TBCK: variants seen among roughly 807,000 people sequenced by gnomAD.
TBCK encodes TBC domain-containing protein kinase-like protein.
In TBCK, 99 loss-of-function variants were observed where a neutral mutation model predicts 113.4. That is an observed-to-expected ratio of 0.87 (90% confidence interval 0.74 to 1.03). TBCK has a LOEUF of 1.03. Ranked by LOEUF, TBCK falls within the 50% of genes least tolerant of loss-of-function variation. The pLI is 0.00. For missense variants in TBCK, 1,045 were observed against 1,061.3 expected (o/e 0.98, Z 0.21); for synonymous variants, 369 against 370.8 (o/e 1.00, Z 0.05).
rs1216598503 is a variant in TBCK at position 106,122,546 on chromosome 4, A to C, written c.2236-6168T>G. ...TTTATGAGGCCAGCATCATCCTGAT[A>C]CCAAAGCCTGGCAGAGACACAGCAA... On this transcript the variant is annotated intron_variant, in intron 23 of 25. Coordinates refer to ENST00000394708, the MANE Select transcript of TBCK (RefSeq NM_001163435.3). Among the ~76,000 whole-genome samples the C allele has an allele frequency of 7.9e-5, 12 of 152,344 alleles. 1 individual carries two copies. The East Asian group carries it at 2.1e-3, about 27-fold the overall frequency.
intron 2 of TBCK, among the ~76,000 whole-genome samples, chr4:106,304,383 C>T (rs986807119): frequency 6.6e-6 from 1 of 152,126 alleles, no homozygotes; most frequent in African/African-American, 2.4e-5. Flanking sequence ...CTCAGATCCT[C>T]ATACCAAATA....
At chr4:106,272,110 A>C (rs1440471408) in intron 3 of TBCK, among the ~76,000 whole-genome samples, 1 of 151,782 alleles carries the variant, frequency 6.6e-6, no homozygotes, top group African/African-American at 2.4e-5. Flanking sequence ...TATAGTATAG[A>C]ACAAAGATAA....
intron 24 of TBCK, among the ~76,000 whole-genome samples, chr4:106,111,989 T>C (rs999827415): frequency 1.3e-5 from 2 of 152,168 alleles, no homozygotes; most frequent in Non-Finnish European, 2.9e-5. Context: ...ATTGAAGAGA[T>C]AGAGCAAGCT....
chr4:106,099,185 G>A (rs997239600), intron 24 of TBCK, among the ~76,000 whole-genome samples: 3 of 152,080 alleles, frequency 2.0e-5, no homozygotes, highest in African/African-American at 7.2e-5. Context: ...AGTTAACCAA[G>A]TATGTTCAGA....
intron 20 of TBCK, among the ~76,000 whole-genome samples, chr4:106,195,983 GAATT>G (rs141955203): frequency 0.13 from 19,597 of 151,818 alleles, 1,576 homozygotes; most frequent in South Asian, 0.24. Flanking sequence ...GTATTTTTAA[GAATT>G]AATTAGATAC....
At chr4:106,243,482 G>A (rs188009212) in intron 11 of TBCK, among the ~76,000 whole-genome samples, 45 of 152,062 alleles carry the variant, frequency 3.0e-4, no homozygotes, top group Admixed American at 2.7e-3. Flanking sequence ...TGGAATTTCC[G>A]TAATCTTACC....
At chr4:106,200,751 ATGTC>A (rs1247491937) in intron 20 of TBCK, among the ~76,000 whole-genome samples, 1 of 152,134 alleles carries the variant, frequency 6.6e-6, no homozygotes, top group Non-Finnish European at 1.5e-5. Context: ...GCATAGAAAA[ATGTC>A]TGGCACATAA....
chr4:106,226,138 TG>T (rs1412338924), intron 19 of TBCK, among the ~76,000 whole-genome samples: 1 of 152,118 alleles, frequency 6.6e-6, no homozygotes, highest in African/African-American at 2.4e-5. Flanking sequence ...CACTCTAACC[TG>T]GGTGAAAGAG....
chr4:106,115,071 G>A (rs1469183068), intron 24 of TBCK, among the ~76,000 whole-genome samples: 1 of 152,172 alleles, frequency 6.6e-6, no homozygotes, highest in African/African-American at 2.4e-5. Flanking sequence ...TGTACTGTCA[G>A]AAACCTAAGA....
intron 25 of TBCK, among the ~76,000 whole-genome samples, chr4:106,058,300 G>A (rs768060330): frequency 1.1e-4 from 17 of 151,738 alleles, no homozygotes; most frequent in Admixed American, 2.0e-4. Context: ...GGAGTAAGTG[G>A]AGCATGAAAA....
chr4:106,248,926 T>C lies in TBCK; in HGVS notation c.715A>G (p.Ile239Val), dbSNP rs765809259. The change falls in exon 8 of 26, where the codon ATA becomes GTA. Residue 239 changes from isoleucine (I) to valine (V), a missense_variant. Ile to Val is a conservative substitution (Grantham distance 29). Transcript: ENST00000394708. Reference sequence around the variant, plus strand: ...GACCCAGATTAATGACAAACCTTTATAATGTCCAAACAACCATGCTCTTCA... The same window carrying C: ...GACCCAGATTAATGACAAACCTTTACAATGTCCAAACAACCATGCTCTTCA... ...LAEEHGCLDI[I>V]KELPETVIDL... is the part of the protein sequence containing the mutation. 2.2e-5 allele frequency: 36 copies of C among 1,606,304 alleles called. No individual in the cohort carries two copies. The highest frequency in any genetic ancestry group is 2.8e-5 in the Non-Finnish European group (33 of 1,177,528).
intron 10 of TBCK, among the ~76,000 whole-genome samples, chr4:106,245,410 G>A (rs948742436): frequency 6.6e-6 from 1 of 152,120 alleles, no homozygotes; most frequent in Non-Finnish European, 1.5e-5. Flanking sequence ...ACCTGGAGAG[G>A]GGAAATACCA....
intron 15 of TBCK, 72 bp downstream of exon 15, chr4:106,235,197 T>C: frequency 1.1e-6 from 1 of 930,458 alleles, no homozygotes; most frequent in Non-Finnish European, 1.5e-6. Context: ...AATATATATT[T>C]GGAAAGCACT....
Position 106,250,474 on chromosome 4 carries a change from C to A in TBCK, c.602G>T (p.Arg201Ile), listed in dbSNP as rs763510090. Residue 201 changes from arginine (R) to isoleucine (I), a missense_variant, in exon 7 of 26, where the codon AGA becomes ATA. Coordinates refer to ENST00000394708, the MANE Select transcript of TBCK (RefSeq NM_001163435.3). ...GIILFELCVG[R>I]KLFQSLDISE... ...AATATCCAAGCTCTGAAATAATTTT[C>A]TTCCCTAAATAAAATGAGAAAAGAA... The A allele has an allele frequency of 6.5e-7, 1 of 1,533,228 alleles. No homozygotes were observed. Among genetic ancestry groups the A allele is most frequent in the Non-Finnish European group, 8.9e-7 (1 of 1,122,922 alleles). 95.0% of individuals were successfully genotyped at this position (1,533,228 alleles called of 1,614,324 possible).
At chr4:106,314,865 T>C (rs1260708486) in intron 1 of TBCK, among the ~76,000 whole-genome samples, 2 of 151,864 alleles carry the variant, frequency 1.3e-5, no homozygotes, top group African/African-American at 2.4e-5. Context: ...CCTCAGGTGA[T>C]CCACCCGCCT....
At chr4:106,290,671 C>T (rs1765614161) in intron 3 of TBCK, among the ~76,000 whole-genome samples, 1 of 152,128 alleles carries the variant, frequency 6.6e-6, no homozygotes, top group Non-Finnish European at 1.5e-5. Flanking sequence ...TCCCAACCCC[C>T]CCACCATGGA....
Position 106,127,671 on chromosome 4 carries a change from T to TTGTG in TBCK, c.2236-11297_2236-11294dup, listed in dbSNP as rs750755969. Among the ~76,000 whole-genome samples, 4 of 151,328 alleles carry TTGTG rather than the reference T, an allele frequency of 2.6e-5. No individual in the cohort carries two copies. In the East Asian group the frequency reaches 7.8e-4, roughly 29 times the overall value. On this transcript the variant is annotated intron_variant, in intron 23 of 25. Transcript: ENST00000394708. The stretch of plus-strand genomic sequence containing the variant: ...TGTGTTCATGTGTGTGTGTGCATGT[T>TTGTG]TGTGTGTGTGTGTGTATGTGTTCAA...
At chr4:106,256,397 A>C (rs1008376732) in intron 5 of TBCK, among the ~76,000 whole-genome samples, 2 of 152,168 alleles carry the variant, frequency 1.3e-5, no homozygotes, top group African/African-American at 4.8e-5. Context: ...TCCGAAGTCC[A>C]CAGGGAGTCA....
At chr4:106,226,269 CAGT>C (rs1489592760) in intron 19 of TBCK, among the ~76,000 whole-genome samples, 1 of 152,078 alleles carries the variant, frequency 6.6e-6, no homozygotes, top group African/African-American at 2.4e-5. Flanking sequence ...AGATATGAAA[CAGT>C]AGAAAAATAA....
Sources: allele counts gnomAD v4.1 joint callset (sites outside exome capture counted in the v4.1 genomes callset), GRCh38; gene constraint gnomAD v4.1.1; transcripts MANE v1.5; gene names NCBI Gene and HGNC (gene_info 2026-07-23, HGNC 2026-07-21).